Variants in IL1RAPL2 observed in about 807,000 individuals in gnomAD.
IL1RAPL2 encodes the protein X-linked interleukin-1 receptor accessory protein-like 2.
IL1RAPL2 carries 3 observed loss-of-function variants against 44.1 expected under a neutral mutation model. The ratio of observed to expected loss-of-function variants is 0.07; its 90% CI spans 0.03 to 0.18. The LOEUF is 0.18. IL1RAPL2 is among the 10% of genes least tolerant of loss of function. The pLI, the probability that IL1RAPL2 is intolerant of heterozygous loss-of-function variation, is 1.00. For synonymous variants in IL1RAPL2, 181 were observed against 178.8 expected (o/e 1.01, Z -0.10); for missense variants, 391 against 496.4 (o/e 0.79, Z 2.02).
intron 5 of IL1RAPL2, among the ~76,000 whole-genome samples, chrX:105,404,528 T>C (rs1302315887): frequency 9.0e-6 from 1 of 111,634 alleles, no homozygotes; most frequent in African/African-American, 3.3e-5. Context: ...CTCCCTCCCC[T>C]TTTTTTCCTA....
chrX:105,139,274 G>GT (rs1430353464), intron 2 of IL1RAPL2, among the ~76,000 whole-genome samples: 2 of 111,426 alleles, frequency 1.8e-5, no homozygotes, highest in East Asian at 2.8e-4. Context: ...CTGCTTGTTT[G>GT]TTTTTTTGTT....
At chrX:105,327,062 T>C (rs958500191) in intron 5 of IL1RAPL2, among the ~76,000 whole-genome samples, 4 of 112,147 alleles carry the variant, frequency 3.6e-5, no homozygotes, top group Non-Finnish European at 7.5e-5. Context: ...CTTCCATCAG[T>C]CTAAAGAAGG....
chrX:105,264,520 T>C (rs1185535009), intron 4 of IL1RAPL2, among the ~76,000 whole-genome samples: 1 of 111,080 alleles, frequency 9.0e-6, no homozygotes, highest in African/African-American at 3.3e-5. Flanking sequence ...ACCAAGAGCC[T>C]GGAAGACTTC....
Position 104,904,751 on chromosome X carries a change from T to C in IL1RAPL2, c.82+245756T>C, listed in dbSNP as rs1290297892. Among the ~76,000 whole-genome samples, 31 of 109,938 alleles carry C rather than the reference T, an allele frequency of 2.8e-4. 1 individual carries two copies. The East Asian group carries it at 6.7e-3, about 24-fold the overall frequency. ...AAGTCTTTGCTATTGTGAATAATGC[T>C]GCAATAAACATACATGTGCATGTGT... On this transcript the variant is annotated intron_variant, in intron 2 of 10. Transcript: ENST00000372582.
rs138102776 is a variant in IL1RAPL2 at position 105,580,905 on chromosome X, T to C, written c.772+96518T>C. ...AACAGTAACATAATTTAAAGGGGCT[T>C]AGGCATAATTCTAAGTAATTTACAT... On this transcript the variant is annotated intron_variant, in intron 6 of 10. Transcript: ENST00000372582. 9.2e-4 allele frequency among the ~76,000 whole-genome samples: 103 copies of C among 112,212 alleles called. 1 individual carries two copies. In the East Asian group the frequency reaches 0.022, roughly 24 times the overall value.
At chrX:105,439,904 G>A (rs780584838) in intron 5 of IL1RAPL2, among the ~76,000 whole-genome samples, 1 of 112,194 alleles carries the variant, frequency 8.9e-6, no homozygotes, top group Admixed American at 9.5e-5. Context: ...ACAAGAGTCC[G>A]CAGGTATATT....
intron 6 of IL1RAPL2, among the ~76,000 whole-genome samples, chrX:105,577,213 G>C (rs1317208478): frequency 1.8e-5 from 2 of 111,143 alleles, no homozygotes; most frequent in Non-Finnish European, 3.8e-5. Flanking sequence ...TTTTAAAAAT[G>C]GGCCTATATG....
chrX:105,319,353 G>A (rs2034879304), intron 5 of IL1RAPL2, among the ~76,000 whole-genome samples: 1 of 111,773 alleles, frequency 8.9e-6, no homozygotes, highest in Non-Finnish European at 1.9e-5. Context: ...TGTATTAAAT[G>A]TCGGTGCCCA....
At chrX:105,108,570 A>G (rs1051228355) in intron 2 of IL1RAPL2, among the ~76,000 whole-genome samples, 2 of 97,467 alleles carry the variant, frequency 2.1e-5, no homozygotes, top group Non-Finnish European at 4.0e-5. Flanking sequence ...CAAATTCCTG[A>G]CCTCAGGTTA....
At chrX:105,732,109 A>G (rs2038411105) in intron 7 of IL1RAPL2, among the ~76,000 whole-genome samples, 1 of 111,973 alleles carries the variant, frequency 8.9e-6, no homozygotes, top group African/African-American at 3.2e-5. Flanking sequence ...TGATATTGAT[A>G]TAGCTGGTTA....
intron 1 of IL1RAPL2, among the ~76,000 whole-genome samples, chrX:104,633,148 G>C (rs1407217827): frequency 9.0e-6 from 1 of 111,698 alleles, no homozygotes; most frequent in Admixed American, 9.6e-5. Flanking sequence ...TATGTTTATT[G>C]TTTTGCATAT....
chrX:105,112,996 T>C (rs1315658018), intron 2 of IL1RAPL2, among the ~76,000 whole-genome samples: 1 of 112,539 alleles, frequency 8.9e-6, no homozygotes, highest in Non-Finnish European at 1.9e-5. Context: ...AAGAATTAAA[T>C]AGAAGAAAAA....
chrX:105,002,975 T>C (rs2030878464), intron 2 of IL1RAPL2, among the ~76,000 whole-genome samples: 1 of 111,305 alleles, frequency 9.0e-6, no homozygotes. Flanking sequence ...AAGAAATGGG[T>C]TAACTGTTTA....
intron 5 of IL1RAPL2, among the ~76,000 whole-genome samples, chrX:105,360,751 C>A (rs116479246): frequency 0.024 from 2,669 of 110,642 alleles, 82 homozygotes; most frequent in African/African-American, 0.083. Flanking sequence ...TGAGAGCCAC[C>A]AAGATCCAAT....
intron 2 of IL1RAPL2, among the ~76,000 whole-genome samples, chrX:105,158,577 T>G (rs2033292323): frequency 8.9e-6 from 1 of 112,116 alleles, no homozygotes; most frequent in South Asian, 3.7e-4. Context: ...CAATTCATCA[T>G]CCAGTTCTTG....
At chrX:105,077,441 G>A (rs1167705189) in intron 2 of IL1RAPL2, among the ~76,000 whole-genome samples, 1 of 111,634 alleles carries the variant, frequency 9.0e-6, no homozygotes, top group Non-Finnish European at 1.9e-5. Flanking sequence ...TTCCCTTTGT[G>A]GGTAACCAGA....
chrX:104,659,450 G>T (rs980891734), intron 2 of IL1RAPL2, among the ~76,000 whole-genome samples: 7 of 111,822 alleles, frequency 6.3e-5, no homozygotes, highest in Admixed American at 5.7e-4. Context: ...CAGCCTCCAA[G>T]TTCAGAATTA....
intron 2 of IL1RAPL2, among the ~76,000 whole-genome samples, chrX:105,035,127 C>T (rs2031603672): frequency 9.0e-6 from 1 of 111,571 alleles, no homozygotes; most frequent in African/African-American, 3.3e-5. Context: ...CCCAATTTTC[C>T]AGGTGCCGTC....
At chrX:104,997,761 G>A (rs998247280) in intron 2 of IL1RAPL2, among the ~76,000 whole-genome samples, 6 of 111,197 alleles carry the variant, frequency 5.4e-5, no homozygotes, top group Non-Finnish European at 7.6e-5. Flanking sequence ...TGGATTTTTA[G>A]CTTGAACAAT....
Sources: allele counts gnomAD v4.1 joint callset (sites outside exome capture counted in the v4.1 genomes callset), GRCh38; gene constraint gnomAD v4.1.1; transcripts MANE v1.5; gene names NCBI Gene and HGNC (gene_info 2026-07-23, HGNC 2026-07-21).